WWC2: variants seen among roughly 807,000 people sequenced by gnomAD.
WWC2 encodes the protein WW and C2 domain containing 2.
Under a neutral mutation model 138.5 loss-of-function variants are expected in WWC2, and 101 were observed. The ratio of observed to expected loss-of-function variants is 0.73; its 90% CI spans 0.62 to 0.86. The LOEUF is 0.86. Ranked by LOEUF, WWC2 falls within the 40% of genes least tolerant of loss-of-function variation. The pLI is 0.00. For synonymous variants in WWC2, 558 were observed against 538.4 expected (o/e 1.04, Z -0.50); for missense variants, 1,420 against 1,419.4 (o/e 1.00, Z -0.01).
rs1433293020 is a variant in WWC2, at chr4:183,315,917, A to G, written c.*188A>G. The stretch of plus-strand genomic sequence containing the variant: ...GTAAAGTACCTTGAGTGTAATTTTT[A>G]TATGCTTAAAAAAGAAAAAATCATA... On this transcript the variant is annotated 3_prime_UTR_variant, in exon 23 of 23. Coordinates refer to ENST00000403733, the MANE Select transcript of WWC2 (RefSeq NM_024949.6). The G allele has an allele frequency of 1.2e-5, 6 of 517,294 alleles. No homozygotes were observed. Among genetic ancestry groups the G allele is most frequent in the Middle Eastern group, 4.8e-4 (1 of 2,068 alleles). 32.0% of individuals were successfully genotyped at this position (517,294 alleles called of 1,614,324 possible).
At chr4:183,269,251 T>C (rs1355266721) in intron 15 of WWC2, 88 bp downstream of exon 15, 12 of 1,305,284 alleles carry the variant, frequency 9.2e-6, no homozygotes, top group Non-Finnish European at 1.3e-5. Flanking sequence ...TTGCCAGCCC[T>C]AGAAATCACT....
At chr4:183,281,402 G>A (rs1051654046) in intron 17 of WWC2, 1 of 155,464 alleles carries the variant, frequency 6.4e-6, no homozygotes, top group African/African-American at 2.4e-5. Context: ...GGCAGAGGGG[G>A]AAGTTATTAC....
intron 1 of WWC2, among the ~76,000 whole-genome samples, chr4:183,183,006 G>A (rs922278861): frequency 2.0e-5 from 3 of 152,138 alleles, no homozygotes; most frequent in Non-Finnish European, 4.4e-5. Flanking sequence ...GTAGGCATTA[G>A]GCATTGTGCT....
chr4:183,258,200 C>G (rs1289454077), intron 9 of WWC2, among the ~76,000 whole-genome samples: 1 of 152,204 alleles, frequency 6.6e-6, no homozygotes, highest in Non-Finnish European at 1.5e-5. Context: ...GGGCTTTCTT[C>G]AGACCTTTGT....
At chr4:183,227,791 A>G (rs1470406640) in intron 4 of WWC2, among the ~76,000 whole-genome samples, 1 of 152,108 alleles carries the variant, frequency 6.6e-6, no homozygotes, top group African/African-American at 2.4e-5. Flanking sequence ...TGTTATACAC[A>G]GCAAAACATC....
chr4:183,238,160 C>T (rs1736488040), intron 4 of WWC2, among the ~76,000 whole-genome samples: 1 of 152,174 alleles, frequency 6.6e-6, no homozygotes, highest in Non-Finnish European at 1.5e-5. Flanking sequence ...TTAAAGAAAA[C>T]TCTTCCTCTT....
At position 183,261,193 on chromosome 4, in the gene WWC2, G is replaced by A; in HGVS notation, c.1570G>A (p.Gly524Arg). The A allele has an allele frequency of 6.2e-7, 1 of 1,613,360 alleles. No homozygotes were observed. Among genetic ancestry groups the A allele is most frequent in the Non-Finnish European group, 8.5e-7 (1 of 1,179,690 alleles). The part of the protein sequence containing the change: ...PSQPGQSGLC[G>R]VAAAATGHTP... ...CCAGCCTGGCCAGAGTGGACTCTGTGGAGTGGCAGCTGCAGCAACAGGCCA... is the reference window on the plus strand; with the variant it reads ...CCAGCCTGGCCAGAGTGGACTCTGTAGAGTGGCAGCTGCAGCAACAGGCCA... Residue 524 changes from glycine to arginine, a missense_variant, in exon 11 of 23, where the codon GGA becomes AGA. Gly to Arg is a moderately radical substitution (Grantham distance 125, BLOSUM62 -2). Transcript: ENST00000403733.
In WWC2 at chr4:183,099,451, G is replaced by T. The variant is rs927209702; in HGVS notation, c.-41G>T. On this transcript the variant is annotated 5_prime_UTR_variant, in exon 1 of 23. Transcript: ENST00000403733. ...CGCGTTCCCGCCGCGTCCCGCGCCCGGTACCTATGGAGGCGCCGCTCGCCG... is the reference window on the plus strand; with the variant it reads ...CGCGTTCCCGCCGCGTCCCGCGCCCTGTACCTATGGAGGCGCCGCTCGCCG... 1 of 1,224,728 alleles carries T rather than the reference G, an allele frequency of 8.2e-7. No homozygotes were observed. Among genetic ancestry groups the T allele is most frequent in the Non-Finnish European group, 1.0e-6 (1 of 975,504 alleles). The allele number at this position is 1,224,728 out of a possible 1,614,324, so 75.9% of individuals were successfully genotyped here. A position where few individuals can be genotyped will look rare whatever the true frequency, so the allele number is the denominator to read the frequency against.
At chr4:183,248,079 C>A (rs1471101935) in intron 6 of WWC2, among the ~76,000 whole-genome samples, 3 of 152,000 alleles carry the variant, frequency 2.0e-5, no homozygotes, top group African/African-American at 7.2e-5. Flanking sequence ...CCTGAGTGCC[C>A]ACAGCAGGCA....
At position 183,318,856 on chromosome 4, in the gene WWC2, C is replaced by T. The variant is rs1007516388; in HGVS notation, c.*3127C>T. Reference sequence around the variant, plus strand: ...ACACCCCAGTCCTGCCCTGCCGTGCCCCCCACAGGCTGCTCAGTGCCTGGG... The same window carrying T: ...ACACCCCAGTCCTGCCCTGCCGTGCTCCCCACAGGCTGCTCAGTGCCTGGG... On this transcript the variant is annotated 3_prime_UTR_variant, in exon 23 of 23. Coordinates refer to ENST00000403733, the MANE Select transcript of WWC2 (RefSeq NM_024949.6). The T allele has an allele frequency of 3.9e-5, 6 of 152,264 alleles. No homozygotes were observed. The highest frequency in any genetic ancestry group is 1.2e-4 in the African/African-American group (5 of 41,438). The allele number at this position is 152,264 out of a possible 1,614,324, so 9.4% of individuals were successfully genotyped here.
intron 11 of WWC2, among the ~76,000 whole-genome samples, chr4:183,264,402 A>G (rs528103184): frequency 1.1e-4 from 16 of 152,178 alleles, no homozygotes; most frequent in Non-Finnish European, 1.9e-4. Context: ...GATAAAAGTT[A>G]AGTGGTCATT....
At chr4:183,143,744 G>T (rs1733370024) in intron 1 of WWC2, among the ~76,000 whole-genome samples, 1 of 151,938 alleles carries the variant, frequency 6.6e-6, no homozygotes, top group African/African-American at 2.4e-5. Flanking sequence ...GGAGGCAGAG[G>T]TTGCAGTGAG....
At chr4:183,170,753 A>G (rs1435929022) in intron 1 of WWC2, among the ~76,000 whole-genome samples, 1 of 152,146 alleles carries the variant, frequency 6.6e-6, no homozygotes, top group Non-Finnish European at 1.5e-5. Context: ...ACTGGAGTGC[A>G]GTAGCATGGT....
At chr4:183,193,569 C>T in intron 1 of WWC2, 30 bp from the exon 2 acceptor site, 1 of 1,595,062 alleles carries the variant, frequency 6.3e-7, no homozygotes, top group African/African-American at 1.3e-5. Context: ...CGGAAAGAAT[C>T]ACTGGTGTGT....
chr4:183,238,713 A>G lies in WWC2; in HGVS notation c.523-1470A>G, dbSNP rs557234940. Among the ~76,000 whole-genome samples, 15 of 152,310 alleles carry G rather than the reference A, an allele frequency of 9.8e-5. No homozygotes were observed. The South Asian group carries it at 3.1e-3, about 32-fold the overall frequency. On this transcript the variant is annotated intron_variant, in intron 4 of 22. Coordinates refer to ENST00000403733, the MANE Select transcript of WWC2 (RefSeq NM_024949.6). ...CTCTCAATTGAAACACTGTTTCCTC[A>G]GACAGGCTCCACCCAAGCCCTCAGA...
chr4:183,315,252 G>T (rs986935109), intron 22 of WWC2, among the ~76,000 whole-genome samples: 4 of 151,586 alleles, frequency 2.6e-5, no homozygotes, highest in Non-Finnish European at 5.9e-5. Flanking sequence ...GCATGGTATC[G>T]ATGTAAAGAC....
At chr4:183,194,744 A>AG (rs1217079355) in intron 2 of WWC2, among the ~76,000 whole-genome samples, 2 of 152,208 alleles carry the variant, frequency 1.3e-5, no homozygotes, top group Non-Finnish European at 2.9e-5. Context: ...GTGAGGTGGA[A>AG]GGGCAGAAAG....
chr4:183,122,109 T>A (rs139970202), intron 1 of WWC2, among the ~76,000 whole-genome samples: 244 of 152,242 alleles, frequency 1.6e-3, no homozygotes, highest in African/African-American at 5.5e-3. Flanking sequence ...TTCTGTGAAC[T>A]AGATTTCATA....
intron 22 of WWC2, among the ~76,000 whole-genome samples, chr4:183,314,392 C>A (rs1398988694): frequency 1.3e-5 from 2 of 152,170 alleles, no homozygotes; most frequent in Non-Finnish European, 2.9e-5. Context: ...TCCCAGCTTC[C>A]CTTAAGATAC....
Sources: allele counts gnomAD v4.1 joint callset (sites outside exome capture counted in the v4.1 genomes callset), GRCh38; gene constraint gnomAD v4.1.1; transcripts MANE v1.5; gene names NCBI Gene and HGNC (gene_info 2026-07-23, HGNC 2026-07-21).